PCBP2: variants seen among roughly 807,000 people sequenced by gnomAD.
PCBP2 encodes poly(rC) binding protein 2, also known as poly(rC)-binding protein 2.
In PCBP2, 4 loss-of-function variants were observed where a neutral mutation model predicts 50.1. The ratio of observed to expected loss-of-function variants is 0.08; its 90% CI spans 0.04 to 0.18. The LOEUF (loss-of-function observed/expected upper bound fraction) is 0.18. Among genes scored for constraint, PCBP2 ranks in the 10% least tolerant of loss-of-function variants. The pLI is 1.00. For synonymous variants in PCBP2, 179 were observed against 168.0 expected, an observed-to-expected ratio of 1.07 and a Z score of -0.51; for missense variants, 161 against 474.3, an observed-to-expected ratio of 0.34 and a Z score of 6.14.
At chr12:53,476,724 G>C (rs550360728) in intron 14 of PCBP2, among the ~76,000 whole-genome samples, 1 of 151,968 alleles carries the variant, frequency 6.6e-6, no homozygotes, top group Non-Finnish European at 1.5e-5. Flanking sequence ...CTCCATCCCA[G>C]ATTGGGCCTG....
chr12:53,478,999 CTT>C (rs1041134707), intron 14 of PCBP2, among the ~76,000 whole-genome samples: 1 of 152,056 alleles, frequency 6.6e-6, no homozygotes, highest in Non-Finnish European at 1.5e-5. Flanking sequence ...TCAGATGACT[CTT>C]TCTTTCCTAA....
rs545211225 is a variant in PCBP2 at position 53,463,569 on chromosome 12, G to A, written c.579+1002G>A. On this transcript the variant is annotated intron_variant, in intron 8 of 14. Transcript: ENST00000546463. ...CTAGAGATGATTAAAATATGTGGGAGGATATGCTTAGGTTATATGCAAGTA... is the reference window on the plus strand; with the variant it reads ...CTAGAGATGATTAAAATATGTGGGAAGATATGCTTAGGTTATATGCAAGTA... 6.6e-5 allele frequency among the ~76,000 whole-genome samples: 10 copies of A among 152,232 alleles called. No individual in the cohort carries two copies. The East Asian group carries it at 1.9e-3, about 29-fold the overall frequency.
chr12:53,462,544 C>G lies in PCBP2; in HGVS notation c.556C>G (p.Pro186Ala). 1.2e-6 allele frequency: 2 copies of G among 1,613,600 alleles called. No individual in the cohort carries two copies. Among genetic ancestry groups the G allele is most frequent in the Non-Finnish European group, 1.7e-6 (2 of 1,179,588 alleles). Residue 186 changes from proline (P) to alanine (A), a missense_variant, in exon 8 of 15, where the codon CCG becomes GCG. Transcript: ENST00000546463. ...IPYRPKPSSS[P>A]VIFAGGQDRY... ...GTACCGGCCCAAGCCGTCCAGCTCT[C>G]CGGTCATCTTTGCAGGTGGTCAGGT... is the stretch of plus-strand genomic sequence containing the variant.
At chr12:53,464,933 G>T (rs1941708531) in intron 9 of PCBP2, 81 bp downstream of exon 9, 2 of 1,456,856 alleles carry the variant, frequency 1.4e-6, no homozygotes, top group Admixed American at 5.9e-5. Flanking sequence ...GGGGCCAGTG[G>T]CGCTGGTGAT....
At chr12:53,463,038 A>G (rs2137055558) in intron 8 of PCBP2, among the ~76,000 whole-genome samples, 1 of 152,138 alleles carries the variant, frequency 6.6e-6, no homozygotes, top group South Asian at 2.1e-4. Flanking sequence ...TTCACTCCCA[A>G]ACTCCAGTGT....
chr12:53,464,140 C>T (rs966285979), intron 8 of PCBP2, among the ~76,000 whole-genome samples: 1 of 152,158 alleles, frequency 6.6e-6, no homozygotes, highest in Non-Finnish European at 1.5e-5. Flanking sequence ...AGGAGTTTTT[C>T]TTTCCCAGGA....
intron 10 of PCBP2, among the ~76,000 whole-genome samples, chr12:53,466,845 T>C (rs1296763051): frequency 6.6e-6 from 1 of 152,062 alleles, no homozygotes; most frequent in Non-Finnish European, 1.5e-5. Context: ...ATGGTGTGTT[T>C]TCCCTAGCAC....
rs1437868472 is a variant in PCBP2, at chr12:53,479,835, T to C, written c.*393T>C. 6.2e-6 allele frequency: 1 copy of C among 160,280 alleles called. No homozygotes were observed. Among genetic ancestry groups the C allele is most frequent in the Non-Finnish European group, 1.4e-5 (1 of 73,592 alleles). 9.9% of individuals were successfully genotyped at this position (160,280 alleles called of 1,614,324 possible). ...AATAGAAACTGGATGCCACAGTGAT[T>C]CATGTGGGTTTTATTCCTCTTGTCT... On this transcript the variant is annotated 3_prime_UTR_variant, in exon 15 of 15. Coordinates refer to ENST00000546463, the MANE Select transcript of PCBP2 (RefSeq NM_031989.5).
Position 53,455,877 on chromosome 12 carries a change from CT to C in PCBP2, c.127-7del. Reference sequence around the variant, plus strand: ...TTTAACTTCTTTTGGATCTTGTTTCCTATCTAGAGTGGTGCACGTATCAACA... The same window carrying C: ...TTTAACTTCTTTTGGATCTTGTTTCCATCTAGAGTGGTGCACGTATCAACA... On this transcript the variant is annotated splice_polypyrimidine_tract_variant and splice_region_variant and intron_variant, in intron 4 of 14. Transcript: ENST00000546463. The C allele has an allele frequency of 6.4e-7, 1 of 1,571,340 alleles. No individual in the cohort carries two copies. The highest frequency in any genetic ancestry group is 8.8e-7 in the Non-Finnish European group (1 of 1,141,552).
intron 9 of PCBP2, among the ~76,000 whole-genome samples, 174 bp from the exon 10 acceptor site, chr12:53,465,758 A>C (rs1414686301): frequency 6.6e-6 from 1 of 152,222 alleles, no homozygotes; most frequent in Admixed American, 6.5e-5. Flanking sequence ...GGTTCAAAGA[A>C]GGCCAATTTG....
chr12:53,481,131 A>G lies in PCBP2; in HGVS notation c.*1689A>G, dbSNP rs1173680059. ...CGCATATATATATATATATGTATAT[A>G]TATATAATTTATATAAATATTTCTC... On this transcript the variant is annotated 3_prime_UTR_variant, in exon 15 of 15. Transcript: ENST00000546463. 31 of 679,076 alleles carry G rather than the reference A, an allele frequency of 4.6e-5. No individual in the cohort carries two copies. Among genetic ancestry groups the G allele is most frequent in the Non-Finnish European group, 6.2e-5 (31 of 499,078 alleles). 42.1% of individuals were successfully genotyped at this position (679,076 alleles called of 1,614,324 possible). A position where few individuals can be genotyped will look rare whatever the true frequency, so the allele number is the denominator to read the frequency against.
At chr12:53,454,934 A>G (rs755001955) in intron 2 of PCBP2, 65 bp downstream of exon 2, 7 of 1,336,046 alleles carry the variant, frequency 5.2e-6, no homozygotes, top group East Asian at 2.3e-5. Flanking sequence ...AAGAGCAGAC[A>G]TGCATCTTGG....
chr12:53,454,000 A>G (rs897875984), intron 1 of PCBP2, among the ~76,000 whole-genome samples: 6 of 152,234 alleles, frequency 3.9e-5, no homozygotes, highest in African/African-American at 1.2e-4. Flanking sequence ...ACTGGATGGT[A>G]AACACAAAAG....
chr12:53,471,566 G>A (rs149798027), intron 13 of PCBP2, 72 bp from the exon 14 acceptor site: 16 of 1,365,658 alleles, frequency 1.2e-5, no homozygotes, highest in Non-Finnish European at 1.6e-5. Flanking sequence ...GATTTGGGGT[G>A]GGGGGGTGGG....
At chr12:53,456,190 G>C (rs1940994145) in intron 5 of PCBP2, 189 bp downstream of exon 5, 1 of 585,772 alleles carries the variant, frequency 1.7e-6, no homozygotes, top group Non-Finnish European at 3.1e-6. Context: ...CTTGAGGCTG[G>C]GCGTGGTGGC....
intron 8 of PCBP2, among the ~76,000 whole-genome samples, chr12:53,464,158 G>A (rs1941646052): frequency 6.6e-6 from 1 of 152,104 alleles, no homozygotes; most frequent in Non-Finnish European, 1.5e-5. Context: ...GGAACTCCAG[G>A]TTCCTGCTCT....
intron 14 of PCBP2, among the ~76,000 whole-genome samples, chr12:53,474,607 G>A (rs1019763506): frequency 5.9e-5 from 9 of 152,118 alleles, no homozygotes; most frequent in African/African-American, 2.2e-4. Flanking sequence ...TGAAGTATGT[G>A]CCCTATGATT....
chr12:53,453,523 G>A (rs1471772956), intron 1 of PCBP2, among the ~76,000 whole-genome samples: 1 of 152,212 alleles, frequency 6.6e-6, no homozygotes, highest in African/African-American at 2.4e-5. Flanking sequence ...GCCATATACA[G>A]AATGGTGTGA....
rs1329047632 is a variant in PCBP2 at position 53,467,807 on chromosome 12, A to G, written c.790A>G (p.Ile264Val). 1.2e-6 allele frequency: 2 copies of G among 1,612,270 alleles called. No individual in the cohort carries two copies. The highest frequency in any genetic ancestry group is 1.7e-6 in the Non-Finnish European group (2 of 1,178,540). The change falls in exon 12 of 15, where the codon ATT becomes GTT. Residue 264 changes from isoleucine (I) to valine (V), a missense_variant and splice_region_variant. Coordinates refer to ENST00000546463, the MANE Select transcript of PCBP2 (RefSeq NM_031989.5). ...MTHGNTGFSG[I>V]ESSSPEVKGY... The stretch of plus-strand genomic sequence containing the variant: ...CATTTTCACTTGTATCTTAACAGGC[A>G]TTGAATCCAGCTCTCCAGAGGTGAA...
Sources: gnomAD v4.1 joint callset for allele counts (sites outside exome capture counted in the v4.1 genomes callset) on GRCh38, gnomAD v4.1.1 for gene constraint, MANE v1.5 for transcripts, NCBI Gene and HGNC (gene_info 2026-07-23, HGNC 2026-07-21) for gene names.